PAN3: variants seen among roughly 807,000 people sequenced by gnomAD.
The protein encoded by PAN3 is poly(A) specific ribonuclease subunit PAN3.
In PAN3, 19 loss-of-function variants were observed where a neutral mutation model predicts 96.2. The ratio of observed to expected loss-of-function variants is 0.20; its 90% CI spans 0.14 to 0.29. The LOEUF is 0.29. Among genes scored for constraint, PAN3 ranks in the 10% least tolerant of loss-of-function variants. The probability of loss-of-function intolerance (pLI) is 1.00; values close to 1 mark genes in which losing one functional copy is unlikely to be tolerated. For missense variants in PAN3, 882 were observed against 1,108.1 expected (o/e 0.80, Z 2.90); for synonymous variants, 433 against 406.6 (o/e 1.06, Z -0.78).
At chr13:28,159,762 A>G (rs1320972066) in intron 1 of PAN3, among the ~76,000 whole-genome samples, 1 of 151,812 alleles carries the variant, frequency 6.6e-6, no homozygotes, top group Non-Finnish European at 1.5e-5. Flanking sequence ...CTGGAGACTT[A>G]TTGAGCAGGG....
rs1405498768 is a variant in PAN3, at chr13:28,177,904, T to G, written c.659T>G (p.Phe220Cys). 1 of 1,612,896 alleles carries G rather than the reference T, an allele frequency of 6.2e-7. No individual in the cohort carries two copies. The highest frequency in any genetic ancestry group is 1.7e-5 in the Admixed American group (1 of 59,952). The change falls in exon 4 of 19, where the codon TTT becomes TGT. Residue 220 changes from phenylalanine to cysteine, a missense_variant. By Grantham distance (205) the Phe-to-Cys change is radical. This residue lies in a region of PAN3 where 442 missense variants were observed against 422.8 expected (regional missense o/e 1.05). Transcript: ENST00000380958. ...CCTGCTTCATCCTTGTTTAATGACT[T>G]TGGTGCCCTCAACATCTCTCAGAGA... is the stretch of plus-strand genomic sequence containing the variant. ...TSPASSLFND[F>C]GALNISQRRK...
At chr13:28,158,817 A>C (rs1231644017) in intron 1 of PAN3, among the ~76,000 whole-genome samples, 1 of 151,882 alleles carries the variant, frequency 6.6e-6, no homozygotes, top group African/African-American at 2.4e-5. Flanking sequence ...GGCGGAGCTC[A>C]CAGTGAGTGG....
intron 4 of PAN3, among the ~76,000 whole-genome samples, chr13:28,181,786 T>C (rs1875820797): frequency 6.6e-6 from 1 of 152,236 alleles, no homozygotes. Context: ...ATCATTTTTC[T>C]AATTATCTTT....
At chr13:28,291,800 C>T (rs547193434) in intron 18 of PAN3, among the ~76,000 whole-genome samples, 4 of 152,172 alleles carry the variant, frequency 2.6e-5, no homozygotes, top group African/African-American at 9.6e-5. Context: ...CATTGCACTC[C>T]ACCCTGGGCA....
intron 4 of PAN3, among the ~76,000 whole-genome samples, chr13:28,188,724 T>C (rs1876819891): frequency 6.6e-6 from 1 of 152,250 alleles, no homozygotes; most frequent in East Asian, 1.9e-4. Flanking sequence ...CTTTTTGTCC[T>C]GAAGCAACAG....
At chr13:28,212,272 C>CA (rs1434509027) in intron 5 of PAN3, among the ~76,000 whole-genome samples, 11 of 152,148 alleles carry the variant, frequency 7.2e-5, no homozygotes, top group Admixed American at 7.2e-4. Context: ...GTAGTGGGGC[C>CA]AAATTAGCCT....
chr13:28,170,024 G>A (rs986327324), intron 1 of PAN3, among the ~76,000 whole-genome samples: 4 of 152,000 alleles, frequency 2.6e-5, no homozygotes, highest in South Asian at 2.1e-4. Flanking sequence ...TCTAGCCTGG[G>A]CGACAGAGCA....
chr13:28,233,795 A>C (rs904690129), intron 6 of PAN3, among the ~76,000 whole-genome samples: 6 of 152,210 alleles, frequency 3.9e-5, no homozygotes, highest in Non-Finnish European at 8.8e-5. Context: ...TCTAAAATCT[A>C]ATCTCCCTGA....
intron 6 of PAN3, among the ~76,000 whole-genome samples, chr13:28,248,450 C>T (rs1458760143): frequency 6.6e-6 from 1 of 152,078 alleles, no homozygotes; most frequent in Admixed American, 6.6e-5. Flanking sequence ...CTAGGACTTC[C>T]AGTACTATAT....
chr13:28,160,384 G>C (rs984598885), intron 1 of PAN3, among the ~76,000 whole-genome samples: 3 of 152,198 alleles, frequency 2.0e-5, no homozygotes, highest in African/African-American at 7.2e-5. Context: ...AAATGAATTA[G>C]AGGGGGCACA....
chr13:28,220,455 T>G, intron 6 of PAN3, 77 bp downstream of exon 6: 1 of 1,465,570 alleles, frequency 6.8e-7, no homozygotes. Context: ...TTATCAGAAC[T>G]GAAATTGTAT....
chr13:28,233,110 G>A (rs1258979039), intron 6 of PAN3, among the ~76,000 whole-genome samples: 1 of 151,950 alleles, frequency 6.6e-6, no homozygotes. Context: ...AAATGTATTG[G>A]TATAGTTAGG....
At chr13:28,247,144 TTGA>T (rs904957458) in intron 6 of PAN3, among the ~76,000 whole-genome samples, 1 of 152,114 alleles carries the variant, frequency 6.6e-6, no homozygotes, top group Non-Finnish European at 1.5e-5. Flanking sequence ...CATTGTGGTT[TTGA>T]TTTGCATTTC....
chr13:28,271,885 C>T (rs990491472), intron 13 of PAN3, 96 bp from the exon 14 acceptor site: 1 of 758,878 alleles, frequency 1.3e-6, no homozygotes. Context: ...TTCTGAGATC[C>T]TTCCTAATAT....
At chr13:28,158,873 A>G (rs1872549719) in intron 1 of PAN3, among the ~76,000 whole-genome samples, 1 of 151,304 alleles carries the variant, frequency 6.6e-6, no homozygotes, top group East Asian at 1.9e-4. Context: ...GCAAGACTCC[A>G]TCTCAGAAAA....
At chr13:28,277,493 T>C (rs1887159645) in intron 15 of PAN3, 117 bp downstream of exon 15, 1 of 980,344 alleles carries the variant, frequency 1.0e-6, no homozygotes, top group East Asian at 2.7e-5. Flanking sequence ...AAACAGAAAC[T>C]TTATGTCTTT....
chr13:28,138,828 T>A lies in PAN3; in HGVS notation c.171T>A (p.Thr57=). The A allele has an allele frequency of 1.4e-6, 2 of 1,415,300 alleles. No individual in the cohort carries two copies. Among genetic ancestry groups the A allele is most frequent in the Non-Finnish European group, 1.8e-6 (2 of 1,088,512 alleles). The allele number at this position is 1,415,300 out of a possible 1,614,324, so 87.7% of individuals were successfully genotyped here. A position where few individuals can be genotyped will look rare whatever the true frequency, so the allele number is the denominator to read the frequency against. ...GCCGCTACTACGCTAAGGATAAGAC[T>A]TGCTTCTACGGGGAGGAGTGTCAGT... is the stretch of plus-strand genomic sequence containing the variant. The part of the protein sequence containing the change: ...KYCRYYAKDK[T]CFYGEECQFL... The change falls in exon 1 of 19, where the codon ACT becomes ACA. Residue 57 remains threonine, a synonymous_variant. Coordinates refer to ENST00000380958, the MANE Select transcript of PAN3 (RefSeq NM_175854.8).
intron 9 of PAN3, among the ~76,000 whole-genome samples, chr13:28,263,606 C>T (rs973430505): frequency 6.6e-6 from 1 of 152,196 alleles, no homozygotes; most frequent in African/African-American, 2.4e-5. Flanking sequence ...GCTGGGATTA[C>T]AGGCATGAGC....
chr13:28,151,991 C>T (rs926055530), intron 1 of PAN3, among the ~76,000 whole-genome samples: 7 of 151,978 alleles, frequency 4.6e-5, no homozygotes, highest in Admixed American at 3.3e-4. Flanking sequence ...TATGAGTTCA[C>T]CAAGGAATAT....
Sources: gnomAD v4.1 joint callset for allele counts (sites outside exome capture counted in the v4.1 genomes callset) on GRCh38, gnomAD v4.1.1 for gene constraint, gnomAD v4.1.1 regional missense constraint, MANE v1.5 for transcripts, NCBI Gene and HGNC (gene_info 2026-07-23, HGNC 2026-07-21) for gene names.